PBX1: variants seen among roughly 807,000 people sequenced by gnomAD.
PBX1 encodes PBX homeobox 1.
In PBX1, 6 loss-of-function variants were observed where a neutral mutation model predicts 53.4. The observed-to-expected ratio is 0.11, with a 90% CI of 0.06 to 0.22. The LOEUF (loss-of-function observed/expected upper bound fraction) is 0.22, where lower values mean the gene tolerates loss of function less well. Ranked by LOEUF, PBX1 falls within the 10% of genes least tolerant of loss-of-function variation. PBX1 has a pLI of 1.00. For missense variants in PBX1, 251 were observed against 551.4 expected, an observed-to-expected ratio of 0.46 and a Z score of 5.46; for synonymous variants, 204 against 212.3, an observed-to-expected ratio of 0.96 and a Z score of 0.34.
At chr1:164,617,839 A>G (rs773904629) in intron 2 of PBX1, among the ~76,000 whole-genome samples, 1 of 152,148 alleles carries the variant, frequency 6.6e-6, no homozygotes, top group Non-Finnish European at 1.5e-5. Context: ...ACATGTGTGG[A>G]TCTCCTTTCA....
intron 2 of PBX1, among the ~76,000 whole-genome samples, chr1:164,586,449 G>A (rs532355689): frequency 5.9e-5 from 9 of 152,146 alleles, no homozygotes; most frequent in Non-Finnish European, 1.2e-4. Flanking sequence ...TATGATGCAA[G>A]GGAACAATTA....
intron 2 of PBX1, among the ~76,000 whole-genome samples, chr1:164,637,990 G>A (rs1658886443): frequency 6.6e-6 from 1 of 152,202 alleles, no homozygotes; most frequent in South Asian, 2.1e-4. Context: ...TAGAGCCATC[G>A]TGCTCTGGGG....
intron 2 of PBX1, among the ~76,000 whole-genome samples, chr1:164,859,854 G>A (rs1672058587): frequency 6.6e-6 from 1 of 152,074 alleles, no homozygotes; most frequent in Non-Finnish European, 1.5e-5. Flanking sequence ...CTGGGTCCTT[G>A]GTCAGGAATA....
At chr1:164,619,553 A>G (rs962593689) in intron 2 of PBX1, among the ~76,000 whole-genome samples, 3 of 152,132 alleles carry the variant, frequency 2.0e-5, no homozygotes, top group Non-Finnish European at 2.9e-5. Context: ...CTCCTACACC[A>G]TCTTAGTCCT....
chr1:164,757,588 C>G (rs1442225342), intron 2 of PBX1, among the ~76,000 whole-genome samples: 1 of 152,170 alleles, frequency 6.6e-6, no homozygotes, highest in East Asian at 1.9e-4. Flanking sequence ...ATTCTATTAT[C>G]CCTTTAACAT....
At chr1:164,591,102 C>G (rs1275164346) in intron 2 of PBX1, among the ~76,000 whole-genome samples, 1 of 151,734 alleles carries the variant, frequency 6.6e-6, no homozygotes, top group Non-Finnish European at 1.5e-5. Context: ...TCCTCTGCCT[C>G]CCAGGTTCAA....
intron 2 of PBX1, among the ~76,000 whole-genome samples, chr1:164,863,379 C>T (rs1157918261): frequency 6.6e-6 from 1 of 152,152 alleles, no homozygotes; most frequent in African/African-American, 2.4e-5. Flanking sequence ...CTCTAATCAA[C>T]ACATGTTTCC....
At chr1:164,737,533 C>T (rs1273880546) in intron 2 of PBX1, among the ~76,000 whole-genome samples, 1 of 151,138 alleles carries the variant, frequency 6.6e-6, no homozygotes, top group African/African-American at 2.4e-5. Flanking sequence ...GGCTGGAGTG[C>T]AGTGGCATGA....
chr1:164,880,206 G>T (rs1268869272), intron 2 of PBX1, among the ~76,000 whole-genome samples: 1 of 152,170 alleles, frequency 6.6e-6, no homozygotes, highest in African/African-American at 2.4e-5. Flanking sequence ...ACAAGCACAT[G>T]TTGGGCACCT....
At chr1:164,760,304 C>G (rs1464128326) in intron 2 of PBX1, among the ~76,000 whole-genome samples, 1 of 152,004 alleles carries the variant, frequency 6.6e-6, no homozygotes, top group Non-Finnish European at 1.5e-5. Context: ...ATGAGAACAA[C>G]AGGATCCTGT....
chr1:164,734,360 A>C (rs1665157657), intron 2 of PBX1, among the ~76,000 whole-genome samples: 1 of 152,238 alleles, frequency 6.6e-6, no homozygotes, highest in Non-Finnish European at 1.5e-5. Flanking sequence ...TAAAAACTAC[A>C]ATACTAAATT....
At chr1:164,757,301 C>T (rs1391454587) in intron 2 of PBX1, among the ~76,000 whole-genome samples, 1 of 152,070 alleles carries the variant, frequency 6.6e-6, no homozygotes, top group East Asian at 1.9e-4. Flanking sequence ...TGAGAAGAAC[C>T]ATGAAATATT....
Position 164,783,365 on chromosome 1 carries a change from G to C in PBX1, c.266-9129G>C, listed in dbSNP as rs1668020485. Among the ~76,000 whole-genome samples the C allele has an allele frequency of 2.0e-5, 3 of 151,188 alleles. No homozygotes were observed. In the South Asian group the frequency reaches 6.4e-4, roughly 32 times the overall value. ...CAGTGTGAGCTTGCCTGGAAGCATAGGTCAGTAAGGTGGGGGTGGGGGGTG... is the reference window on the plus strand; with the variant it reads ...CAGTGTGAGCTTGCCTGGAAGCATACGTCAGTAAGGTGGGGGTGGGGGGTG... On this transcript the variant is annotated intron_variant, in intron 2 of 8. Transcript: ENST00000420696.
intron 1 of PBX1, among the ~76,000 whole-genome samples, chr1:164,561,356 C>T (rs778395746): frequency 2.5e-4 from 38 of 152,170 alleles, no homozygotes; most frequent in Non-Finnish European, 1.8e-4. Context: ...AACATGTAAA[C>T]TCAAAAGTAC....
chr1:164,697,209 T>C (rs1662847338), intron 2 of PBX1, among the ~76,000 whole-genome samples: 1 of 152,200 alleles, frequency 6.6e-6, no homozygotes, highest in South Asian at 2.1e-4. Flanking sequence ...CACTGACCAG[T>C]AGAGGGATTA....
intron 2 of PBX1, among the ~76,000 whole-genome samples, chr1:164,694,984 C>T (rs1362442691): frequency 2.0e-5 from 3 of 152,146 alleles, no homozygotes; most frequent in African/African-American, 7.2e-5. Flanking sequence ...ACATGCTAAC[C>T]TGCTTGCTAT....
intron 8 of PBX1, among the ~76,000 whole-genome samples, chr1:164,833,580 G>A (rs1670874615): frequency 6.6e-6 from 1 of 152,166 alleles, no homozygotes; most frequent in Admixed American, 6.5e-5. Flanking sequence ...GTACACTGGA[G>A]TTGGAGTGGA....
chr1:164,755,787 A>C (rs1666480942), intron 2 of PBX1, among the ~76,000 whole-genome samples: 1 of 152,044 alleles, frequency 6.6e-6, no homozygotes, highest in East Asian at 1.9e-4. Context: ...TCAATCGCCC[A>C]TCATGGGACT....
chr1:164,878,249 T>C (rs796893577), intron 2 of PBX1, among the ~76,000 whole-genome samples: 20 of 152,324 alleles, frequency 1.3e-4, no homozygotes, highest in African/African-American at 4.8e-4. Context: ...AGGGTTACTG[T>C]GAGGATTAGA....
Sources: allele counts gnomAD v4.1 joint callset (sites outside exome capture counted in the v4.1 genomes callset), GRCh38; gene constraint gnomAD v4.1.1; transcripts MANE v1.5; gene names NCBI Gene and HGNC (gene_info 2026-07-23, HGNC 2026-07-21).